Variants in CNGA3 observed in about 807,000 individuals in gnomAD.
CNGA3 encodes the protein cyclic nucleotide-gated channel alpha-3.
In CNGA3, 42 loss-of-function variants were observed where a neutral mutation model predicts 46.6. The observed-to-expected ratio is 0.90, with a 90% CI of 0.70 to 1.17. CNGA3 has a LOEUF of 1.17. Ranked by LOEUF, CNGA3 falls within the 50% of genes most tolerant of loss-of-function variation. The pLI is 0.00. For missense variants in CNGA3, 893 were observed against 890.7 expected (o/e 1.00, Z -0.03); for synonymous variants, 394 against 369.4 (o/e 1.07, Z -0.76).
intron 1 of CNGA3, among the ~76,000 whole-genome samples, chr2:98,358,130 G>A (rs1279206879): frequency 6.6e-6 from 1 of 152,228 alleles, no homozygotes; most frequent in East Asian, 1.9e-4. Context: ...TCATTGGTGA[G>A]TTCTACTCAC....
Position 98,369,167 on chromosome 2 carries a change from T to G in CNGA3, c.-37-772T>G, listed in dbSNP as rs192102543. 5.3e-4 allele frequency among the ~76,000 whole-genome samples: 81 copies of G among 152,392 alleles called. 1 individual carries two copies. The highest frequency in any genetic ancestry group is 1.8e-3 in the African/African-American group (76 of 41,598). Reference sequence around the variant, plus strand: ...AATTAAATTCCTTCCCAAGGCTAGTTCGGCCTACGCCCAGGAATGAATAAG... The same window carrying G: ...AATTAAATTCCTTCCCAAGGCTAGTGCGGCCTACGCCCAGGAATGAATAAG... On this transcript the variant is annotated intron_variant, in intron 1 of 7. Transcript: ENST00000272602.
chr2:98,384,294 T>C (rs1300865606), intron 5 of CNGA3, among the ~76,000 whole-genome samples: 3 of 152,112 alleles, frequency 2.0e-5, no homozygotes, highest in Non-Finnish European at 4.4e-5. Context: ...CTTCAAAGGG[T>C]GACCTGCTAT....
At chr2:98,379,782 A>G (rs1471854825) in intron 3 of CNGA3, 25 of 241,172 alleles carry the variant, frequency 1.0e-4, no homozygotes, top group Non-Finnish European at 8.1e-5. Context: ...TGAAACCCAC[A>G]TTGCTTTACT....
intron 4 of CNGA3, among the ~76,000 whole-genome samples, chr2:98,382,374 C>A (rs139083415): frequency 6.6e-6 from 1 of 152,202 alleles, no homozygotes; most frequent in Non-Finnish European, 1.5e-5. Context: ...CACAATCCCA[C>A]GGCGGTTCCA....
rs1484607235 is a variant in CNGA3 at position 98,362,440 on chromosome 2, C to T, written c.-37-7499C>T. Among the ~76,000 whole-genome samples the T allele has an allele frequency of 5.3e-5, 8 of 152,086 alleles. No homozygotes were observed. In the East Asian group the frequency reaches 1.5e-3, roughly 29 times the overall value. ...AGGTGATCCACCTGCCTCGGCCTCC[C>T]AAAGTGCTGGGATTACAGATGTGAA... On this transcript the variant is annotated intron_variant, in intron 1 of 7. Transcript: ENST00000272602.
chr2:98,395,441 A>G (rs577754517), intron 7 of CNGA3, among the ~76,000 whole-genome samples: 5 of 152,316 alleles, frequency 3.3e-5, no homozygotes, highest in Admixed American at 3.3e-4. Context: ...AAGTACTGGG[A>G]TTATAGGCAT....
intron 4 of CNGA3, 116 bp downstream of exon 4, chr2:98,380,470 T>C: frequency 1.6e-6 from 2 of 1,288,452 alleles, no homozygotes; most frequent in African/African-American, 1.5e-5. Context: ...GTCATCCCCA[T>C]GAGCTGTTCC....
chr2:98,369,882 G>A (rs1298089887), intron 1 of CNGA3, 57 bp from the exon 2 acceptor site: 2 of 1,139,170 alleles, frequency 1.8e-6, no homozygotes, highest in Non-Finnish European at 2.6e-6. Context: ...TTGATGAGCT[G>A]GGTTTGCAGT....
Position 98,380,337 on chromosome 2 carries a change from A to G in CNGA3, c.378A>G (p.Pro126=), listed in dbSNP as rs765556433. The G allele has an allele frequency of 1.5e-5, 24 of 1,614,078 alleles. No individual in the cohort carries two copies. The highest frequency in any genetic ancestry group is 1.7e-5 in the Non-Finnish European group (20 of 1,180,030). Residue 126 remains proline, a synonymous_variant, in exon 4 of 8, where the codon CCA becomes CCG. Transcript: ENST00000272602. ...AGGCAAATGTGGGCAGCCAGGAGCC[A>G]GCAGACAGAGGGAGAAGGTAAGGAA... is the stretch of plus-strand genomic sequence containing the variant. The part of the protein sequence containing the change: ...NAQANVGSQE[P]ADRGRSAWPL...
chr2:98,396,055 C>A lies in CNGA3; in HGVS notation c.885C>A (p.Thr295=). 6.2e-7 allele frequency: 1 copy of A among 1,614,178 alleles called. No individual in the cohort carries two copies. The highest frequency in any genetic ancestry group is 8.5e-7 in the Non-Finnish European group (1 of 1,180,036). The change falls in exon 8 of 8, where the codon ACC becomes ACA. Residue 295 remains threonine (T), a synonymous_variant. Coordinates refer to ENST00000272602, the MANE Select transcript of CNGA3 (RefSeq NM_001298.3). The part of the protein sequence containing the change: ...FEFFDRTETR[T]NYPNMFRIGN... Reference sequence around the variant, plus strand: ...TCTTTGACCGCACAGAGACAAGGACCAACTACCCCAATATGTTCAGGATTG... The same window carrying A: ...TCTTTGACCGCACAGAGACAAGGACAAACTACCCCAATATGTTCAGGATTG...
intron 7 of CNGA3, among the ~76,000 whole-genome samples, chr2:98,393,653 G>A (rs1052116014): frequency 6.6e-6 from 1 of 152,162 alleles, no homozygotes; most frequent in Non-Finnish European, 1.5e-5. Context: ...TTGGGCTGAT[G>A]GTCCCTGGTC....
chr2:98,379,895 G>A, intron 3 of CNGA3: 2 of 525,110 alleles, frequency 3.8e-6, no homozygotes, highest in African/African-American at 1.9e-5. Flanking sequence ...TCCAAGTGCT[G>A]CAAGGACAAA....
chr2:98,381,002 G>A (rs550195425), intron 4 of CNGA3, among the ~76,000 whole-genome samples: 8 of 152,182 alleles, frequency 5.3e-5, no homozygotes, highest in Admixed American at 2.6e-4. Flanking sequence ...ATCTTGCTTC[G>A]CCCCCACCCT....
chr2:98,386,710 A>T (rs1452838500), intron 5 of CNGA3, among the ~76,000 whole-genome samples: 1 of 152,236 alleles, frequency 6.6e-6, no homozygotes, highest in Non-Finnish European at 1.5e-5. Flanking sequence ...AGTGGGTCAG[A>T]GAAAGTAAAT....
intron 1 of CNGA3, among the ~76,000 whole-genome samples, chr2:98,353,681 T>C (rs183039833): frequency 5.3e-5 from 8 of 152,366 alleles, no homozygotes; most frequent in East Asian, 1.9e-4. Flanking sequence ...TCCAGTCTTA[T>C]ATTGCTATAA....
At chr2:98,363,115 G>A (rs1692069932) in intron 1 of CNGA3, among the ~76,000 whole-genome samples, 2 of 152,108 alleles carry the variant, frequency 1.3e-5, no homozygotes, top group South Asian at 2.1e-4. Context: ...TTTTTGTTTA[G>A]GATTGTCTTG....
At chr2:98,367,170 T>TATTTTCC (rs1285825841) in intron 1 of CNGA3, among the ~76,000 whole-genome samples, 9,408 of 118,598 alleles carry the variant, frequency 0.079, 790 homozygotes, top group Non-Finnish European at 0.13. Context: ...ATCAGCTGTT[T>TATTTTCC]TTTTTCTTTT....
rs1558820535 is a variant in CNGA3 at position 98,396,522 on chromosome 2, T to C, written c.1352T>C (p.Val451Ala). Residue 451 changes from valine (V) to alanine (A), a missense_variant, in exon 8 of 8, where the codon GTG becomes GCG. Val to Ala is a moderately conservative substitution (Grantham distance 64, BLOSUM62 0). Around this residue, in one of 3 missense-constraint regions of CNGA3, gnomAD observed 548 missense variants for 570.8 expected, o/e 0.96. Transcript: ENST00000272602. ...FDYLWANKKTVDEKEVLKSLP... is the reference protein window; with the variant it reads ...FDYLWANKKTADEKEVLKSLP... ...TACCTGTGGGCCAACAAGAAGACGG[T>C]GGATGAGAAGGAGGTGCTCAAGAGC... is the stretch of plus-strand genomic sequence containing the variant. The C allele has an allele frequency of 6.2e-7, 1 of 1,613,704 alleles. No homozygotes were observed. The highest frequency in any genetic ancestry group is 8.5e-7 in the Non-Finnish European group (1 of 1,179,960).
In CNGA3 at chr2:98,383,915, C is replaced by G. The variant is rs527950075; in HGVS notation, c.449+474C>G. ...TGTTTGTTTGTTTTTGAGATGGAGT[C>G]TTGCTCTGTCACCCAGGCTGGAGTG... On this transcript the variant is annotated intron_variant, in intron 5 of 7. Coordinates refer to ENST00000272602, the MANE Select transcript of CNGA3 (RefSeq NM_001298.3). Among the ~76,000 whole-genome samples the G allele has an allele frequency of 9.2e-5, 14 of 152,224 alleles. No homozygotes were observed. In the South Asian group the frequency reaches 2.7e-3, roughly 29 times the overall value.
Sources: allele counts gnomAD v4.1 joint callset (sites outside exome capture counted in the v4.1 genomes callset), GRCh38; gene constraint gnomAD v4.1.1; regional missense constraint gnomAD v4.1.1; transcripts MANE v1.5; gene names NCBI Gene and HGNC (gene_info 2026-07-23, HGNC 2026-07-21).